The following USP17L7 variants were observed in gnomAD, a reference collection of about 807,000 sequenced individuals.
USP17L7 encodes ubiquitin specific peptidase 17 like family member 7.
In USP17L7, 53 loss-of-function variants were observed where a neutral mutation model predicts 37.6. The observed-to-expected ratio is 1.41, with a 90% CI of 1.13 to 1.77. The LOEUF (loss-of-function observed/expected upper bound fraction) is 1.77, where lower values mean the gene tolerates loss of function less well. Among genes scored for constraint, USP17L7 ranks in the 40% most tolerant of loss-of-function variants. The probability of loss-of-function intolerance (pLI) is 0.00; values close to 1 mark genes in which losing one functional copy is unlikely to be tolerated. For synonymous variants in USP17L7, 330 were observed against 251.0 expected (o/e 1.31, Z -2.98); for missense variants, 914 against 645.0 (o/e 1.42, Z -4.52).
rs1342747364 is a variant in USP17L7 at position 12,133,968 on chromosome 8, G to T, written c.42C>A (p.Phe14Leu). The change falls in exon 1 of 1, where the codon TTC becomes TTA. Residue 14 changes from phenylalanine (F) to leucine (L), a missense_variant. Transcript: ENST00000530447. ...AAGATGTGAGTTTTGAAAAGTGATT[G>T]AACTGCCAGTCACCTCCCAAATAGA... ...DSLYLGGDWQ[F>L]NHFSKLTSSR... 4.1e-6 allele frequency: 5 copies of T among 1,211,010 alleles called. No individual in the cohort carries two copies. The highest frequency in any genetic ancestry group is 4.8e-6 in the Non-Finnish European group (4 of 840,544). The allele number at this position is 1,211,010 out of a possible 1,614,324, so 75.0% of individuals were successfully genotyped here.
In USP17L7 at chr8:12,132,478, C is replaced by A. The variant is rs774632310; in HGVS notation, c.1532G>T (p.Ser511Ile). ...NTGTLASLQG[S>I]TRRSKGNNKH... ...GTTATTCCCTTTGGATCTCCTGGTGCTCCCTTGCAGAGAAGCGAGTGTGCC... is the reference window on the plus strand; with the variant it reads ...GTTATTCCCTTTGGATCTCCTGGTGATCCCTTGCAGAGAAGCGAGTGTGCC... Residue 511 changes from serine to isoleucine, a missense_variant, in exon 1 of 1, where the codon AGC (serine) becomes ATC (isoleucine). Transcript: ENST00000530447. 1 of 1,455,614 alleles carries A rather than the reference C, an allele frequency of 6.9e-7. No homozygotes were observed. The highest frequency in any genetic ancestry group is 9.4e-7 in the Non-Finnish European group (1 of 1,061,614). 90.2% of individuals were successfully genotyped at this position (1,455,614 alleles called of 1,614,324 possible). A position where few individuals can be genotyped will look rare whatever the true frequency, so the allele number is the denominator to read the frequency against.
rs1803057658 is a variant in USP17L7 at position 12,133,775 on chromosome 8, C to G, written c.235G>C (p.Gly79Arg). ...TTTCCTATCTTCTGGAGCCCAGCCC[C>G]CACCGCAGCAGGTCTCCTGCTACTC... ...PLSSRRPAAV[G>R]AGLQKIGNTF... The change falls in exon 1 of 1, where the codon GGG (glycine) becomes CGG (arginine). Residue 79 changes from glycine (G) to arginine (R), a missense_variant. Physicochemically the swap from Gly to Arg is moderately radical, Grantham distance 125 (BLOSUM62 -2). Transcript: ENST00000530447. 1 of 1,489,706 alleles carries G rather than the reference C, an allele frequency of 6.7e-7. No homozygotes were observed. The highest frequency in any genetic ancestry group is 9.2e-7 in the Non-Finnish European group (1 of 1,091,466). 92.3% of individuals were successfully genotyped at this position (1,489,706 alleles called of 1,614,324 possible).
At position 12,132,579 on chromosome 8, in the gene USP17L7, G is replaced by T. The variant is rs768705010; in HGVS notation, c.1431C>A (p.Asn477Lys). Reference protein sequence around the residue: ...HQSKYKCGMKNHHPEQQSSLL... With the variant: ...HQSKYKCGMKKHHPEQQSSLL... ...GGGAGCTTTGCTGTTCAGGATGATG[G>T]TTTTTCATACCACACTTGTATTTTG... is the stretch of plus-strand genomic sequence containing the variant. Residue 477 changes from asparagine (N) to lysine (K), a missense_variant, in exon 1 of 1, where the codon AAC (asparagine) becomes AAA (lysine). Coordinates refer to ENST00000530447, the MANE Select transcript of USP17L7 (RefSeq NM_001256869.2). 4.6e-6 allele frequency: 7 copies of T among 1,531,166 alleles called. No individual in the cohort carries two copies. The highest frequency in any genetic ancestry group is 4.4e-6 in the Non-Finnish European group (5 of 1,128,376). 94.8% of individuals were successfully genotyped at this position (1,531,166 alleles called of 1,614,324 possible).
chr8:12,133,767 C>A lies in USP17L7; in HGVS notation c.243G>T (p.Gly81=), dbSNP rs757451118. Reference sequence around the variant, plus strand: ...AGAAGGTATTTCCTATCTTCTGGAGCCCAGCCCCCACCGCAGCAGGTCTCC... The same window carrying A: ...AGAAGGTATTTCCTATCTTCTGGAGACCAGCCCCCACCGCAGCAGGTCTCC... ...SSRRPAAVGA[G]LQKIGNTFYV... is the part of the protein sequence containing the mutation. The change falls in exon 1 of 1, where the codon GGG becomes GGT. Residue 81 remains glycine (G), a synonymous_variant. Transcript: ENST00000530447. The A allele has an allele frequency of 8.8e-6, 13 of 1,475,682 alleles. No individual in the cohort carries two copies. Among genetic ancestry groups the A allele is most frequent in the African/African-American group, 4.2e-5 (3 of 70,858 alleles). The allele number at this position is 1,475,682 out of a possible 1,614,324, so 91.4% of individuals were successfully genotyped here. A position where few individuals can be genotyped will look rare whatever the true frequency, so the allele number is the denominator to read the frequency against.
In USP17L7 at chr8:12,133,681, G is replaced by A. The variant is rs755205358; in HGVS notation, c.329C>T (p.Ser110Phe). The A allele has an allele frequency of 2.4e-6, 3 of 1,256,252 alleles. No individual in the cohort carries two copies. The Admixed American group carries it at 5.3e-5, about 22-fold the overall frequency. The allele number at this position is 1,256,252 out of a possible 1,614,324, so 77.8% of individuals were successfully genotyped here. Residue 110 changes from serine (S) to phenylalanine (F), a missense_variant, in exon 1 of 1, where the codon TCC (serine) becomes TTC (phenylalanine). Coordinates refer to ENST00000530447, the MANE Select transcript of USP17L7 (RefSeq NM_001256869.2). Reference sequence around the variant, plus strand: ...ATGACACGTTTGAGAGTCCTCCCGGGACAGCATGTAGTTGGAAAGCGGCAG... The same window carrying A: ...ATGACACGTTTGAGAGTCCTCCCGGAACAGCATGTAGTTGGAAAGCGGCAG... Reference protein sequence around the residue: ...YTLPLSNYMLSREDSQTCHLH... With the variant: ...YTLPLSNYMLFREDSQTCHLH...
chr8:12,133,404 T>A lies in USP17L7; in HGVS notation c.606A>T (p.Arg202Ser), dbSNP rs1283523364. 19 of 1,452,618 alleles carry A rather than the reference T, an allele frequency of 1.3e-5. 3 individuals carry two copies. The highest frequency in any genetic ancestry group is 8.4e-6 in the Non-Finnish European group (9 of 1,065,216). 90.0% of individuals were successfully genotyped at this position (1,452,618 alleles called of 1,614,324 possible). A position where few individuals can be genotyped will look rare whatever the true frequency, so the allele number is the denominator to read the frequency against. ...LIHQIFGAYW[R>S]SQIKYLHCHG... ...GGCAGTGGAGATACTTGATTTGAGA[T>A]CTCCAATACGCTCCAAATATTTGGT... Residue 202 changes from arginine to serine, a missense_variant, in exon 1 of 1, where the codon AGA becomes AGT. By Grantham distance (110) the Arg-to-Ser change is moderately radical (BLOSUM62 -1). Coordinates refer to ENST00000530447, the MANE Select transcript of USP17L7 (RefSeq NM_001256869.2).
At position 12,133,083 on chromosome 8, in the gene USP17L7, C is replaced by T; in HGVS notation, c.927G>A (p.Gln309=). The T allele has an allele frequency of 6.7e-7, 1 of 1,492,200 alleles. No individual in the cohort carries two copies. The highest frequency in any genetic ancestry group is 9.1e-7 in the Non-Finnish European group (1 of 1,093,958). The allele number at this position is 1,492,200 out of a possible 1,614,324, so 92.4% of individuals were successfully genotyped here. Residue 309 remains glutamine, a synonymous_variant, in exon 1 of 1, where the codon CAG becomes CAA. Transcript: ENST00000530447. ...CATAGACAAGAGGTCCTGTGTTCTG[C>T]TGAGACATGTATGGCTGCATGTCAC... ...KCRDMQPYMS[Q]QNTGPLVYVL... is the part of the protein sequence containing the mutation.
rs770389000 is a variant in USP17L7, at chr8:12,133,519, A to C, written c.491T>G (p.Phe164Cys). The stretch of plus-strand genomic sequence containing the variant: ...CATGGCATCCACAGTAAACATGAGA[A>C]ATTCATGGGCATCCTCCTGCTCACC... ...HRGEQEDAHE[F>C]LMFTVDAMKK... The change falls in exon 1 of 1, where the codon TTT becomes TGT. Residue 164 changes from phenylalanine (F) to cysteine (C), a missense_variant. Phe to Cys is a radical substitution (Grantham distance 205). Coordinates refer to ENST00000530447, the MANE Select transcript of USP17L7 (RefSeq NM_001256869.2). 9.5e-6 allele frequency: 14 copies of C among 1,471,016 alleles called. No individual in the cohort carries two copies. The highest frequency in any genetic ancestry group is 1.3e-5 in the Non-Finnish European group (14 of 1,076,614). The allele number at this position is 1,471,016 out of a possible 1,614,324, so 91.1% of individuals were successfully genotyped here. A position where few individuals can be genotyped will look rare whatever the true frequency, so the allele number is the denominator to read the frequency against.
In USP17L7 at chr8:12,132,590, C is replaced by A; in HGVS notation, c.1420G>T (p.Gly474Cys). 1 of 1,531,886 alleles carries A rather than the reference C, an allele frequency of 6.5e-7. No individual in the cohort carries two copies. Among genetic ancestry groups the A allele is most frequent in the Non-Finnish European group, 8.9e-7 (1 of 1,128,956 alleles). 94.9% of individuals were successfully genotyped at this position (1,531,886 alleles called of 1,614,324 possible). Residue 474 changes from glycine (G) to cysteine (C), a missense_variant, in exon 1 of 1, where the codon GGT (glycine) becomes TGT (cysteine). By Grantham distance (159) the Gly-to-Cys change is radical. Coordinates refer to ENST00000530447, the MANE Select transcript of USP17L7 (RefSeq NM_001256869.2). ...TGTTCAGGATGATGGTTTTTCATACCACACTTGTATTTTGATTGATGAATC... is the reference window on the plus strand; with the variant it reads ...TGTTCAGGATGATGGTTTTTCATACAACACTTGTATTTTGATTGATGAATC... ...LVIHQSKYKC[G>C]MKNHHPEQQS...
chr8:12,133,255 T>C lies in USP17L7; in HGVS notation c.755A>G (p.Tyr252Cys), dbSNP rs767491523. 3.8e-5 allele frequency: 58 copies of C among 1,511,940 alleles called. 4 individuals carry two copies. Among genetic ancestry groups the C allele is most frequent in the Non-Finnish European group, 4.7e-5 (52 of 1,114,566 alleles). The allele number at this position is 1,511,940 out of a possible 1,614,324, so 93.7% of individuals were successfully genotyped here. A position where few individuals can be genotyped will look rare whatever the true frequency, so the allele number is the denominator to read the frequency against. ...KPKELNGENA[Y>C]HCGLCLQKAP... Reference sequence around the variant, plus strand: ...CTTCTGGAGACAAAGACCACAATGATAGGCATTCTCTCCATTGAGTTCTTT... The same window carrying C: ...CTTCTGGAGACAAAGACCACAATGACAGGCATTCTCTCCATTGAGTTCTTT... The change falls in exon 1 of 1, where the codon TAT becomes TGT. Residue 252 changes from tyrosine (Y) to cysteine (C), a missense_variant. Tyr to Cys is a radical substitution (Grantham distance 194). Coordinates refer to ENST00000530447, the MANE Select transcript of USP17L7 (RefSeq NM_001256869.2).
Position 12,132,555 on chromosome 8 carries a change from G to A in USP17L7, c.1455C>T (p.Ser485=), listed in dbSNP as rs2150620610. The A allele has an allele frequency of 6.6e-7, 1 of 1,523,570 alleles. No homozygotes were observed. The highest frequency in any genetic ancestry group is 8.9e-7 in the Non-Finnish European group (1 of 1,121,808). The allele number at this position is 1,523,570 out of a possible 1,614,324, so 94.4% of individuals were successfully genotyped here. A position where few individuals can be genotyped will look rare whatever the true frequency, so the allele number is the denominator to read the frequency against. ...GTTTCGTCGAAGAGAGGTTTAGCAGGGAGCTTTGCTGTTCAGGATGATGGT... is the reference window on the plus strand; with the variant it reads ...GTTTCGTCGAAGAGAGGTTTAGCAGAGAGCTTTGCTGTTCAGGATGATGGT... ...MKNHHPEQQS[S]LLNLSSTKPT... is the part of the protein sequence containing the mutation. Residue 485 remains serine (S), a synonymous_variant, in exon 1 of 1, where the codon TCC becomes TCT. Transcript: ENST00000530447.
chr8:12,133,584 G>A lies in USP17L7; in HGVS notation c.426C>T (p.Val142=), dbSNP rs1225020287. The change falls in exon 1 of 1, where the codon GTC becomes GTT. Residue 142 remains valine, a synonymous_variant. Transcript: ENST00000530447. ...CAGCCAATACCTGTGAGGGCTGGATGACATGGCCAGGACTGTGGAGGGCCC... is the reference window on the plus strand; with the variant it reads ...CAGCCAATACCTGTGAGGGCTGGATAACATGGCCAGGACTGTGGAGGGCCC... ...ITWALHSPGH[V]IQPSQVLAAG... is the part of the protein sequence containing the mutation. 1 of 1,341,854 alleles carries A rather than the reference G, an allele frequency of 7.5e-7. No homozygotes were observed. Among genetic ancestry groups the A allele is most frequent in the East Asian group, 2.7e-5 (1 of 37,416 alleles). 83.1% of individuals were successfully genotyped at this position (1,341,854 alleles called of 1,614,324 possible).
Position 12,133,478 on chromosome 8 carries a change from G to T in USP17L7, c.532C>A (p.Pro178Thr), listed in dbSNP as rs771729162. 51 of 1,474,762 alleles carry T rather than the reference G, an allele frequency of 3.5e-5. 5 individuals carry two copies. The highest frequency in any genetic ancestry group is 4.3e-5 in the Non-Finnish European group (46 of 1,081,818). 91.4% of individuals were successfully genotyped at this position (1,474,762 alleles called of 1,614,324 possible). A position where few individuals can be genotyped will look rare whatever the true frequency, so the allele number is the denominator to read the frequency against. The change falls in exon 1 of 1, where the codon CCC (proline) becomes ACC (threonine). Residue 178 changes from proline (P) to threonine (T), a missense_variant. Coordinates refer to ENST00000530447, the MANE Select transcript of USP17L7 (RefSeq NM_001256869.2). ...TVDAMKKACL[P>T]GHKQLDHHSK... The stretch of plus-strand genomic sequence containing the variant: ...TGATGATCTAGCTGCTTGTGCCCGG[G>T]AAGGCATGCCTTTTTCATGGCATCC...
Position 12,133,355 on chromosome 8 carries a change from G to A in USP17L7, c.655C>T (p.Pro219Ser), listed in dbSNP as rs776645815. 2.0e-6 allele frequency: 3 copies of A among 1,484,452 alleles called. No individual in the cohort carries two copies. Among genetic ancestry groups the A allele is most frequent in the Admixed American group, 1.7e-5 (1 of 57,216 alleles). The allele number at this position is 1,484,452 out of a possible 1,614,324, so 92.0% of individuals were successfully genotyped here. A position where few individuals can be genotyped will look rare whatever the true frequency, so the allele number is the denominator to read the frequency against. Residue 219 changes from proline (P) to serine (S), a missense_variant, in exon 1 of 1, where the codon CCT becomes TCT. Pro to Ser is a moderately conservative substitution (Grantham distance 74). Transcript: ENST00000530447. ...HCHGVSDTFD[P>S]YLDIALDIQA... Reference sequence around the variant, plus strand: ...ATATCCAGGGCGATGTCCAGGTAAGGGTCAAAGGTGTCTGAAACGCCGTGG... The same window carrying A: ...ATATCCAGGGCGATGTCCAGGTAAGAGTCAAAGGTGTCTGAAACGCCGTGG...
chr8:12,133,530 A>G lies in USP17L7; in HGVS notation c.480T>C (p.Asp160=), dbSNP rs528884685. The G allele has an allele frequency of 4.2e-4, 606 of 1,456,696 alleles. 55 individuals carry two copies. In the African/African-American group the frequency reaches 7.5e-3, roughly 18 times the overall value. The allele number at this position is 1,456,696 out of a possible 1,614,324, so 90.2% of individuals were successfully genotyped here. A position where few individuals can be genotyped will look rare whatever the true frequency, so the allele number is the denominator to read the frequency against. The change falls in exon 1 of 1, where the codon GAT becomes GAC. Residue 160 remains aspartate, a synonymous_variant. Coordinates refer to ENST00000530447, the MANE Select transcript of USP17L7 (RefSeq NM_001256869.2). Reference sequence around the variant, plus strand: ...CAGTAAACATGAGAAATTCATGGGCATCCTCCTGCTCACCTCTATGGAAGC... The same window carrying G: ...CAGTAAACATGAGAAATTCATGGGCGTCCTCCTGCTCACCTCTATGGAAGC... ...AAGFHRGEQE[D]AHEFLMFTVD...
chr8:12,133,155 A>T lies in USP17L7; in HGVS notation c.855T>A (p.Asp285Glu). ...VLILVLKRFS[D>E]VTGNKLAKNV... is the part of the protein sequence containing the mutation. ...TCTTGGCAAGTTTGTTGCCTGTGAC[A>T]TCGGAGAATCTCTTCAATACAAGAA... The change falls in exon 1 of 1, where the codon GAT becomes GAA. Residue 285 changes from aspartate (D) to glutamate (E), a missense_variant. Transcript: ENST00000530447. 11 of 1,509,854 alleles carry T rather than the reference A, an allele frequency of 7.3e-6. 3 individuals carry two copies. The highest frequency in any genetic ancestry group is 9.9e-6 in the Non-Finnish European group (11 of 1,109,796). 93.5% of individuals were successfully genotyped at this position (1,509,854 alleles called of 1,614,324 possible).
Position 12,133,519 on chromosome 8 carries a change from A to G in USP17L7, c.491T>C (p.Phe164Ser). ...HRGEQEDAHE[F>S]LMFTVDAMKK... is the part of the protein sequence containing the mutation. ...CATGGCATCCACAGTAAACATGAGA[A>G]ATTCATGGGCATCCTCCTGCTCACC... The change falls in exon 1 of 1, where the codon TTT (phenylalanine) becomes TCT (serine). Residue 164 changes from phenylalanine (F) to serine (S), a missense_variant. Transcript: ENST00000530447. 1 of 1,471,158 alleles carries G rather than the reference A, an allele frequency of 6.8e-7. No homozygotes were observed. The highest frequency in any genetic ancestry group is 9.3e-7 in the Non-Finnish European group (1 of 1,076,628). 91.1% of individuals were successfully genotyped at this position (1,471,158 alleles called of 1,614,324 possible).
Position 12,133,171 on chromosome 8 carries a change from A to G in USP17L7, c.839T>C (p.Leu280Ser), listed in dbSNP as rs762279931. ...GCCTGTGACATCGGAGAATCTCTTC[A>G]ATACAAGAATGAGGACCTTGGCAGA... ...PTSAKVLILV[L>S]KRFSDVTGNK... Residue 280 changes from leucine (L) to serine (S), a missense_variant, in exon 1 of 1, where the codon TTG (leucine) becomes TCG (serine). Coordinates refer to ENST00000530447, the MANE Select transcript of USP17L7 (RefSeq NM_001256869.2). The G allele has an allele frequency of 4.0e-6, 6 of 1,511,640 alleles. No homozygotes were observed. The highest frequency in any genetic ancestry group is 3.5e-5 in the Admixed American group (2 of 57,356). The allele number at this position is 1,511,640 out of a possible 1,614,324, so 93.6% of individuals were successfully genotyped here.
In USP17L7 at chr8:12,133,739, C is replaced by A; in HGVS notation, c.271G>T (p.Val91Leu). The part of the protein sequence containing the change: ...GLQKIGNTFY[V>L]NVSLQCLTYT... ...GTCAGGCACTGCAGGGAAACGTTCA[C>A]ATAGAAGGTATTTCCTATCTTCTGG... Residue 91 changes from valine (V) to leucine (L), a missense_variant, in exon 1 of 1, where the codon GTG (valine) becomes TTG (leucine). Coordinates refer to ENST00000530447, the MANE Select transcript of USP17L7 (RefSeq NM_001256869.2). 1 of 1,389,858 alleles carries A rather than the reference C, an allele frequency of 7.2e-7. No homozygotes were observed. The allele number at this position is 1,389,858 out of a possible 1,614,324, so 86.1% of individuals were successfully genotyped here. A position where few individuals can be genotyped will look rare whatever the true frequency, so the allele number is the denominator to read the frequency against.
Sources: allele counts gnomAD v4.1 joint callset, GRCh38; gene constraint gnomAD v4.1.1; transcripts MANE v1.5; gene names NCBI Gene and HGNC (gene_info 2026-07-23, HGNC 2026-07-21).